The following TSHZ3 variants were observed in gnomAD, a reference collection of about 807,000 sequenced individuals.
TSHZ3 encodes the protein teashirt homolog 3.
A neutral mutation model predicts 64.5 loss-of-function variants in TSHZ3; 10 were observed. The observed-to-expected ratio is 0.16, with a 90% CI of 0.10 to 0.26. TSHZ3 has a LOEUF of 0.26. TSHZ3 is among the 10% of genes least tolerant of loss of function. The pLI is 1.00. For synonymous variants in TSHZ3, 608 were observed against 593.1 expected (o/e 1.03, Z -0.36); for missense variants, 1,242 against 1,421.7 (o/e 0.87, Z 2.03).
At chr19:31,240,294 G>A (rs1436130159) in intron 3 of TSHZ3, among the ~76,000 whole-genome samples, 1 of 151,956 alleles carries the variant, frequency 6.6e-6, no homozygotes, top group Non-Finnish European at 1.5e-5. Flanking sequence ...ATATTAGAAA[G>A]TAAAGCAGAC....
intron 1 of TSHZ3, among the ~76,000 whole-genome samples, chr19:31,283,690 G>A (rs1481154580): frequency 1.3e-5 from 2 of 152,234 alleles, no homozygotes; most frequent in East Asian, 3.9e-4. Context: ...AAAGAGCCGA[G>A]CTGTAAAGTC....
chr19:31,268,185 C>T (rs564714939), intron 1 of TSHZ3, among the ~76,000 whole-genome samples: 74 of 152,156 alleles, frequency 4.9e-4, no homozygotes, highest in Admixed American at 1.6e-3. Flanking sequence ...CCTCAATGGC[C>T]GTGAGACCTC....
chr19:31,348,391 T>G (rs1021649815), intron 1 of TSHZ3, among the ~76,000 whole-genome samples: 18 of 150,688 alleles, frequency 1.2e-4, no homozygotes, highest in African/African-American at 3.7e-4. Flanking sequence ...TTGTTTTCAA[T>G]GATGCGTTTT....
chr19:31,327,546 C>T (rs1170876833), intron 1 of TSHZ3, among the ~76,000 whole-genome samples: 1 of 152,158 alleles, frequency 6.6e-6, no homozygotes, highest in Non-Finnish European at 1.5e-5. Flanking sequence ...TTAAAAATCC[C>T]TCTGATAAGA....
chr19:31,165,345 G>A (rs1251774004), intron 5 of TSHZ3, among the ~76,000 whole-genome samples: 1 of 152,136 alleles, frequency 6.6e-6, no homozygotes, highest in African/African-American at 2.4e-5. Flanking sequence ...TGGTGTGTAG[G>A]ATTTTTTCCC....
At chr19:31,162,212 C>T (rs1974382140) in intron 5 of TSHZ3, among the ~76,000 whole-genome samples, 1 of 152,052 alleles carries the variant, frequency 6.6e-6, no homozygotes, top group Non-Finnish European at 1.5e-5. Flanking sequence ...AGCACAGTGC[C>T]TGGCCCACAG....
chr19:31,264,347 T>G (rs1361545522), intron 1 of TSHZ3, among the ~76,000 whole-genome samples: 2 of 152,236 alleles, frequency 1.3e-5, no homozygotes, highest in Non-Finnish European at 2.9e-5. Context: ...CAAGTACCAG[T>G]GGCCTACAGT....
chr19:31,310,802 A>G (rs1198990406), intron 1 of TSHZ3, among the ~76,000 whole-genome samples: 1 of 152,214 alleles, frequency 6.6e-6, no homozygotes, highest in Non-Finnish European at 1.5e-5. Context: ...TTGTTAATGG[A>G]ATTATGCACA....
intron 5 of TSHZ3, among the ~76,000 whole-genome samples, chr19:31,168,574 A>G (rs1431725489): frequency 2.0e-5 from 3 of 152,242 alleles, no homozygotes; most frequent in Non-Finnish European, 4.4e-5. Context: ...TGAAGATTGA[A>G]GCGTATTATC....
chr19:31,248,214 T>C (rs989662557), intron 1 of TSHZ3, among the ~76,000 whole-genome samples: 2 of 151,986 alleles, frequency 1.3e-5, no homozygotes, highest in Non-Finnish European at 2.9e-5. Context: ...TCATATGAGA[T>C]TGGGTGGGGA....
chr19:31,324,341 A>C (rs1916870331), intron 1 of TSHZ3, among the ~76,000 whole-genome samples: 1 of 152,256 alleles, frequency 6.6e-6, no homozygotes, highest in Admixed American at 6.5e-5. Context: ...GAACAAGATG[A>C]ATACTGCCAG....
chr19:31,274,934 G>A (rs899557428), downstream of TSHZ3: 1 of 151,940 alleles, frequency 6.6e-6, no homozygotes, highest in African/African-American at 2.4e-5. Flanking sequence ...AATTGTGAAC[G>A]CAACACAAAA....
intron 4 of TSHZ3, among the ~76,000 whole-genome samples, chr19:31,214,958 T>C (rs937811514): frequency 5.1e-5 from 7 of 138,436 alleles, no homozygotes; most frequent in Non-Finnish European, 1.1e-4. Flanking sequence ...CCCTCATCCA[T>C]AGACCATTCC....
At chr19:31,250,115 A>G (rs1300602638) in intron 1 of TSHZ3, among the ~76,000 whole-genome samples, 1 of 152,178 alleles carries the variant, frequency 6.6e-6, no homozygotes, top group Non-Finnish European at 1.5e-5. Context: ...GGCACAGCCA[A>G]ATCTTTCTGA....
chr19:31,216,722 TG>T, intron 4 of TSHZ3, among the ~76,000 whole-genome samples: 1 of 152,136 alleles, frequency 6.6e-6, no homozygotes, highest in East Asian at 1.9e-4. Flanking sequence ...CTGCAAGCTC[TG>T]CCTCCCGGGT....
At chr19:31,291,729 A>C (rs773081475) in intron 1 of TSHZ3, among the ~76,000 whole-genome samples, 3 of 152,202 alleles carry the variant, frequency 2.0e-5, no homozygotes, top group Non-Finnish European at 2.9e-5. Context: ...ACTGGGCATC[A>C]AACCAATGGT....
chr19:31,336,711 C>T (rs934197807), intron 1 of TSHZ3, among the ~76,000 whole-genome samples: 1 of 152,130 alleles, frequency 6.6e-6, no homozygotes, highest in Non-Finnish European at 1.5e-5. Context: ...GTGGAGGGAA[C>T]AGATGCGGGG....
At position 31,179,640 on chromosome 19, in the gene TSHZ3, G is replaced by T. The variant is rs112030854; in HGVS notation, n.810-23223C>A. Among the ~76,000 whole-genome samples the T allele has an allele frequency of 9.2e-3, 1,402 of 152,122 alleles. 20 individuals carry two copies. The highest frequency in any genetic ancestry group is 0.032 in the African/African-American group (1,331 of 41,516). On this transcript the variant is annotated intron_variant and non_coding_transcript_variant, in intron 5 of 6. Coordinates refer to the TSHZ3 transcript ENST00000651361. ...AATGATGATGGTGGTAGTGGTGACA[G>T]TGGTGTTTGTGATGGTGGCAATGAT...
intron 5 of TSHZ3, among the ~76,000 whole-genome samples, chr19:31,172,021 G>A (rs1237838344): frequency 6.6e-6 from 1 of 152,172 alleles, no homozygotes; most frequent in African/African-American, 2.4e-5. Context: ...TGGTTGGGGG[G>A]ATACTGGTCC....
Sources: allele counts gnomAD v4.1 joint callset (sites outside exome capture counted in the v4.1 genomes callset), GRCh38; gene constraint gnomAD v4.1.1; transcripts MANE v1.5; gene names NCBI Gene and HGNC (gene_info 2026-07-23, HGNC 2026-07-21).